The following DGKH variants were observed in gnomAD, a reference collection of about 807,000 sequenced individuals.
DGKH encodes diacylglycerol kinase eta, also known as DAG kinase eta.
In DGKH, 90 loss-of-function variants were observed where a neutral mutation model predicts 159.3. The ratio of observed to expected loss-of-function variants is 0.57; its 90% CI spans 0.48 to 0.67. DGKH has a LOEUF of 0.67. Ranked by LOEUF, DGKH falls within the 30% of genes least tolerant of loss-of-function variation. DGKH has a pLI of 0.00. For synonymous variants in DGKH, 536 were observed against 553.8 expected (o/e 0.97, Z 0.45); for missense variants, 1,181 against 1,506.1 (o/e 0.78, Z 3.57).
intron 12 of DGKH, among the ~76,000 whole-genome samples, chr13:42,177,605 C>T (rs1220950390): frequency 1.3e-5 from 2 of 152,158 alleles, no homozygotes; most frequent in African/African-American, 4.8e-5. Flanking sequence ...AGTTTGCATT[C>T]CCATCAGCAG....
chr13:42,048,783 G>T lies in DGKH; in HGVS notation c.10G>T (p.Ala4Ser), dbSNP rs924865669. 3.1e-6 allele frequency: 4 copies of T among 1,304,118 alleles called. No individual in the cohort carries two copies. The highest frequency in any genetic ancestry group is 1.5e-5 in the African/African-American group (1 of 64,576). The allele number at this position is 1,304,118 out of a possible 1,614,324, so 80.8% of individuals were successfully genotyped here. A position where few individuals can be genotyped will look rare whatever the true frequency, so the allele number is the denominator to read the frequency against. ...GCAGGAGTCGGAGAGGATGGCAGGG[G>T]CCGGAGGCCAGCACCACCCTCCGGG... MAGAGGQHHPPGAA... is the reference protein window; with the variant it reads MAGSGGQHHPPGAA... Residue 4 changes from alanine to serine, a missense_variant, in exon 1 of 30, where the codon GCC (alanine) becomes TCC (serine). By Grantham distance (99) the Ala-to-Ser change is moderately conservative. This residue lies in a region of DGKH where 136 missense variants were observed against 132.2 expected (regional missense o/e 1.03). Transcript: ENST00000337343. This position sits in a 1 kb window ranked among gnomAD's most constrained non-coding sequence, Gnocchi z 6.7.
intron 30 of DGKH, among the ~76,000 whole-genome samples, chr13:42,253,993 CAAAA>C (rs199651278): frequency 3.8e-5 from 4 of 105,032 alleles, no homozygotes; most frequent in Admixed American, 9.9e-5. Flanking sequence ...AGTGGGTTAC[CAAAA>C]AAAAAAAAAA....
At position 42,189,084 on chromosome 13, in the gene DGKH, A is replaced by G; in HGVS notation, c.1687A>G (p.Thr563Ala). The G allele has an allele frequency of 6.2e-7, 1 of 1,614,162 alleles. No individual in the cohort carries two copies. The highest frequency in any genetic ancestry group is 8.5e-7 in the Non-Finnish European group (1 of 1,179,980). Residue 563 changes from threonine to alanine, a missense_variant, in exon 15 of 30, where the codon ACA (threonine) becomes GCA (alanine). Coordinates refer to ENST00000337343, the MANE Select transcript of DGKH (RefSeq NM_178009.5). ...CGAACAACTGCTGCAGGCTTTGCAC[A>G]CAGATTCCCAGGCTGCGCCTGTTCT... ...KLEQLLQALH[T>A]DSQAAPVLPG...
chr13:42,225,881 G>A (rs911196193), intron 29 of DGKH, among the ~76,000 whole-genome samples: 1 of 151,416 alleles, frequency 6.6e-6, no homozygotes, highest in African/African-American at 2.4e-5. Flanking sequence ...TACCCTCAAA[G>A]GCATAAAAAT....
In DGKH at chr13:42,142,457, A is replaced by C. The variant is rs567380567; in HGVS notation, c.384+12825A>C. On this transcript the variant is annotated intron_variant, in intron 3 of 29. Transcript: ENST00000337343. Reference sequence around the variant, plus strand: ...GAAAGTCATTGGTAGCTTGATGGGGATGGCATTGAATCTATAAATTACCTT... The same window carrying C: ...GAAAGTCATTGGTAGCTTGATGGGGCTGGCATTGAATCTATAAATTACCTT... 3.3e-4 allele frequency among the ~76,000 whole-genome samples: 50 copies of C among 151,082 alleles called. No individual in the cohort carries two copies. The East Asian group carries it at 8.6e-3, about 26-fold the overall frequency.
intron 12 of DGKH, among the ~76,000 whole-genome samples, chr13:42,175,392 T>C (rs1956573508): frequency 6.6e-6 from 1 of 152,202 alleles, no homozygotes; most frequent in Non-Finnish European, 1.5e-5. Flanking sequence ...TATTTACCAT[T>C]TTATTTTCAG....
chr13:42,061,988 G>GGTGTGTGTGTGTGTGTGTGTGT (rs60863220), intron 1 of DGKH, among the ~76,000 whole-genome samples: 5 of 149,786 alleles, frequency 3.3e-5, no homozygotes, highest in East Asian at 2.0e-4. Flanking sequence ...TGTGTGTGTG[G>GGTGTGTGTGTGTGTGTGTGTGT]GTGTGTGTGT....
At chr13:42,147,785 G>A (rs77773076) in intron 3 of DGKH, among the ~76,000 whole-genome samples, 5,864 of 152,086 alleles carry the variant, frequency 0.039, 283 homozygotes, top group African/African-American at 0.12. Flanking sequence ...TCCCATGTGC[G>A]TTGTAATAGT....
chr13:42,209,263 C>G, intron 22 of DGKH, 68 bp from the exon 23 acceptor site: 2 of 1,554,976 alleles, frequency 1.3e-6, no homozygotes, highest in Non-Finnish European at 1.7e-6. Flanking sequence ...AATACTCAAG[C>G]CTTCATAAAG....
chr13:42,202,851 A>C (rs1050140368), intron 20 of DGKH, among the ~76,000 whole-genome samples: 2 of 152,194 alleles, frequency 1.3e-5, no homozygotes, highest in Admixed American at 1.3e-4. Context: ...AAGAAGGATG[A>C]CTTTTTTGCC....
At chr13:42,146,720 T>C (rs1462919729) in intron 3 of DGKH, among the ~76,000 whole-genome samples, 1 of 152,224 alleles carries the variant, frequency 6.6e-6, no homozygotes, top group East Asian at 1.9e-4. Flanking sequence ...CATGCATGCA[T>C]TTAAACCTCA....
intron 6 of DGKH, 49 bp downstream of exon 6, chr13:42,159,421 T>C (rs755855411): frequency 3.2e-5 from 40 of 1,265,470 alleles, no homozygotes; most frequent in Non-Finnish European, 4.4e-5. Flanking sequence ...TCCTCTTTTA[T>C]GTTCTGCTCT....
chr13:42,114,455 C>G (rs1332963192), intron 1 of DGKH, among the ~76,000 whole-genome samples: 1 of 90,252 alleles, frequency 1.1e-5, no homozygotes, highest in Non-Finnish European at 2.2e-5. Flanking sequence ...GCCAGGAACT[C>G]TGGTAAGCGC....
In DGKH at chr13:42,166,481, T is replaced by C. The variant is rs752412970; in HGVS notation, c.959-34T>C. On this transcript the variant is annotated intron_variant, in intron 8 of 29. Coordinates refer to ENST00000337343, the MANE Select transcript of DGKH (RefSeq NM_178009.5). ...GCTAATAATTTAAAAGAGAAAGCTGTATGTATTGATCTTGTGTTGTGTTTT... is the reference window on the plus strand; with the variant it reads ...GCTAATAATTTAAAAGAGAAAGCTGCATGTATTGATCTTGTGTTGTGTTTT... The C allele has an allele frequency of 3.6e-5, 52 of 1,437,584 alleles. No individual in the cohort carries two copies. In the South Asian group the frequency reaches 8.7e-4, roughly 24 times the overall value. The allele number at this position is 1,437,584 out of a possible 1,614,324, so 89.1% of individuals were successfully genotyped here. A position where few individuals can be genotyped will look rare whatever the true frequency, so the allele number is the denominator to read the frequency against.
chr13:42,095,156 CTTTTTTTTTT>C (rs776422302), intron 1 of DGKH, among the ~76,000 whole-genome samples: 10 of 76,804 alleles, frequency 1.3e-4, no homozygotes, highest in South Asian at 5.6e-4. Flanking sequence ...ATGTTGACTC[CTTTTTTTTTT>C]TTTTTTTTTT....
intron 3 of DGKH, among the ~76,000 whole-genome samples, chr13:42,153,276 C>T (rs1955962278): frequency 6.6e-6 from 1 of 152,210 alleles, no homozygotes; most frequent in Non-Finnish European, 1.5e-5. Context: ...CTTTATCCTT[C>T]TTTCTCCCCT....
At chr13:42,183,288 T>TAAA (rs5803120) in intron 13 of DGKH, among the ~76,000 whole-genome samples, 1 of 144,548 alleles carries the variant, frequency 6.9e-6, no homozygotes, top group Non-Finnish European at 1.5e-5. Context: ...GATCCCGTCT[T>TAAA]AAAAAAAAAA....
chr13:42,227,300 A>T (rs771063101), intron 29 of DGKH, among the ~76,000 whole-genome samples: 2 of 152,218 alleles, frequency 1.3e-5, no homozygotes, highest in African/African-American at 2.4e-5. Flanking sequence ...TAAGAAGTTA[A>T]TGTAATTCTA....
intron 1 of DGKH, among the ~76,000 whole-genome samples, chr13:42,056,537 G>C (rs1330607406): frequency 2.0e-5 from 3 of 152,118 alleles, no homozygotes; most frequent in Non-Finnish European, 4.4e-5. Flanking sequence ...TGATCTTATG[G>C]AACAGTTGTG....
Sources: allele counts gnomAD v4.1 joint callset (sites outside exome capture counted in the v4.1 genomes callset), GRCh38; gene constraint gnomAD v4.1.1; regional missense constraint gnomAD v4.1.1; non-coding constraint Gnocchi (gnomAD v3.1); transcripts MANE v1.5; gene names NCBI Gene and HGNC (gene_info 2026-07-23, HGNC 2026-07-21).